The following SEC24B variants were observed in gnomAD, a reference collection of about 807,000 sequenced individuals.
The protein encoded by SEC24B is protein transport protein Sec24B.
In SEC24B, 45 loss-of-function variants were observed where a neutral mutation model predicts 142.8. That is an observed-to-expected ratio of 0.32 (90% CI 0.25 to 0.40). The LOEUF (loss-of-function observed/expected upper bound fraction) is 0.40. SEC24B is among the 10% of genes least tolerant of loss of function. The probability of loss-of-function intolerance (pLI) is 1.00; values close to 1 mark genes in which losing one functional copy is unlikely to be tolerated. For synonymous variants in SEC24B, 574 were observed against 568.2 expected, an observed-to-expected ratio of 1.01 and a Z score of -0.15; for missense variants, 1,409 against 1,526.8, an observed-to-expected ratio of 0.92 and a Z score of 1.29.
chr4:109,457,524 C>T (rs1478309694), intron 1 of SEC24B, among the ~76,000 whole-genome samples: 2 of 152,192 alleles, frequency 1.3e-5, no homozygotes, highest in Admixed American at 6.5e-5. Flanking sequence ...CCAAACTTGC[C>T]CTTTTATATC....
intron 1 of SEC24B, among the ~76,000 whole-genome samples, chr4:109,456,118 ACTT>A (rs1293657621): frequency 6.6e-6 from 1 of 152,086 alleles, no homozygotes; most frequent in Non-Finnish European, 1.5e-5. Context: ...ACATCTAAGT[ACTT>A]CTTTTTGTGC....
chr4:109,524,985 T>G (rs1188474611), intron 15 of SEC24B, 44 bp downstream of exon 15: 4 of 1,530,460 alleles, frequency 2.6e-6, no homozygotes, highest in Non-Finnish European at 3.5e-6. Flanking sequence ...ATGAACATTT[T>G]TAATGCATAA....
rs181995437 is a variant in SEC24B, at chr4:109,510,906, G to T, written c.1776+795G>T. Among the ~76,000 whole-genome samples, 271 of 152,108 alleles carry T rather than the reference G, an allele frequency of 1.8e-3. 1 individual carries two copies. The highest frequency in any genetic ancestry group is 6.0e-3 in the African/African-American group (247 of 41,498). On this transcript the variant is annotated intron_variant, in intron 8 of 23. Transcript: ENST00000265175. ...TGATTGACTACCTGTCACGTTGGAA[G>T]CTGGAGATACAAAGGGTAAATTAAA...
In SEC24B at chr4:109,497,689, G is replaced by A. The variant is rs372887914; in HGVS notation, c.1488+2833G>A. 2.2e-4 allele frequency among the ~76,000 whole-genome samples: 34 copies of A among 152,132 alleles called. 1 individual carries two copies. In the South Asian group the frequency reaches 6.7e-3, roughly 30 times the overall value. ...TATGTGGTACTCAATCATGTGAATA[G>A]ACCAGTTTGTTTATTTGTTCTATTG... On this transcript the variant is annotated intron_variant, in intron 6 of 23. Coordinates refer to ENST00000265175, the MANE Select transcript of SEC24B (RefSeq NM_006323.5).
At chr4:109,517,235 T>C (rs961654248) in intron 11 of SEC24B, among the ~76,000 whole-genome samples, 1 of 152,210 alleles carries the variant, frequency 6.6e-6, no homozygotes, top group African/African-American at 2.4e-5. Flanking sequence ...TAAGTATCCA[T>C]CAACAGATGG....
At chr4:109,481,854 T>G in intron 4 of SEC24B, 73 bp downstream of exon 4, 1 of 1,089,182 alleles carries the variant, frequency 9.2e-7, no homozygotes, top group Admixed American at 2.1e-5. Flanking sequence ...CAGTCTTACT[T>G]AGCCTTTTAA....
At chr4:109,508,586 A>T (rs1004589392) in intron 7 of SEC24B, among the ~76,000 whole-genome samples, 5 of 151,256 alleles carry the variant, frequency 3.3e-5, no homozygotes, top group Admixed American at 6.6e-5. Context: ...AAAAATTATT[A>T]AAAAAAAATA....
chr4:109,446,681 G>A (rs1012756128), intron 1 of SEC24B, among the ~76,000 whole-genome samples: 6 of 152,062 alleles, frequency 3.9e-5, no homozygotes, highest in Admixed American at 6.5e-5. Flanking sequence ...AGTGTAACAC[G>A]CCAAAGCAGA....
rs534017298 is a variant in SEC24B at position 109,488,242 on chromosome 4, C to T, written c.1166-3085C>T. 2.6e-5 allele frequency among the ~76,000 whole-genome samples: 4 copies of T among 152,182 alleles called. No homozygotes were observed. In the East Asian group the frequency reaches 5.8e-4, roughly 22 times the overall value. ...TTTCTTCACCCCAAAATAGAAACTT[C>T]ATATGTTTTAGCCTTCTTCCCATTC... On this transcript the variant is annotated intron_variant, in intron 4 of 23. Transcript: ENST00000265175.
Position 109,487,533 on chromosome 4 carries a change from G to A in SEC24B, c.1166-3794G>A, listed in dbSNP as rs115642604. Among the ~76,000 whole-genome samples the A allele has an allele frequency of 8.7e-3, 1,319 of 152,312 alleles. 24 individuals are homozygous for A. Among genetic ancestry groups the A allele is most frequent in the African/African-American group, 0.03 (1,259 of 41,558 alleles). On this transcript the variant is annotated intron_variant, in intron 4 of 23. Transcript: ENST00000265175. ...CATTTACACCTTATTCACTAAGATG[G>A]TGGGGAAATTAGTAAAGGCTGTTTC...
chr4:109,515,149 G>T (rs1737790659), intron 10 of SEC24B, among the ~76,000 whole-genome samples: 2 of 152,024 alleles, frequency 1.3e-5, no homozygotes, highest in Admixed American at 1.3e-4. Context: ...CATCCAGGCT[G>T]GAGTGCAGTG....
At chr4:109,436,492 A>G (rs1210655995) in intron 1 of SEC24B, among the ~76,000 whole-genome samples, 3 of 152,208 alleles carry the variant, frequency 2.0e-5, no homozygotes, top group East Asian at 3.8e-4. Flanking sequence ...CACTCACTTC[A>G]GTGTTGTGGT....
At chr4:109,447,547 C>G (rs550933588) in intron 1 of SEC24B, among the ~76,000 whole-genome samples, 90 of 152,140 alleles carry the variant, frequency 5.9e-4, no homozygotes, top group Non-Finnish European at 9.8e-4. Context: ...ACCAGCTCAG[C>G]ATTCTATTTG....
At chr4:109,449,499 T>C (rs975189522) in intron 1 of SEC24B, 10 of 455,110 alleles carry the variant, frequency 2.2e-5, no homozygotes, top group African/African-American at 4.0e-5. Flanking sequence ...CCCAAATTGC[T>C]GGGAGTACAG....
At chr4:109,468,526 A>G (rs968171837) in intron 2 of SEC24B, among the ~76,000 whole-genome samples, 4 of 152,360 alleles carry the variant, frequency 2.6e-5, no homozygotes, top group Non-Finnish European at 4.4e-5. Context: ...ATATGTAATC[A>G]GCAGCCATTA....
At chr4:109,448,334 T>A (rs1254082366) in intron 1 of SEC24B, among the ~76,000 whole-genome samples, 1 of 152,112 alleles carries the variant, frequency 6.6e-6, no homozygotes, top group African/African-American at 2.4e-5. Context: ...GGAAAATCAC[T>A]CTGGCTACGT....
At chr4:109,519,128 A>C (rs779651690) in intron 11 of SEC24B, among the ~76,000 whole-genome samples, 13 of 152,022 alleles carry the variant, frequency 8.6e-5, no homozygotes, top group Non-Finnish European at 1.6e-4. Flanking sequence ...CCAAGTTTTA[A>C]TCCCCCAAGA....
At chr4:109,487,157 C>T (rs1303317920) in intron 4 of SEC24B, among the ~76,000 whole-genome samples, 2 of 138,160 alleles carry the variant, frequency 1.4e-5, no homozygotes, top group East Asian at 2.1e-4. Context: ...AAGAGTGAGA[C>T]TCTGTCTCAA....
chr4:109,516,491 C>A, intron 10 of SEC24B, 37 bp from the exon 11 acceptor site: 3 of 1,246,802 alleles, frequency 2.4e-6, no homozygotes, highest in Non-Finnish European at 3.4e-6. Context: ...ATAAATTGTA[C>A]CTACCAAATA....
Sources: gnomAD v4.1 joint callset for allele counts (sites outside exome capture counted in the v4.1 genomes callset) on GRCh38, gnomAD v4.1.1 for gene constraint, MANE v1.5 for transcripts, NCBI Gene and HGNC (gene_info 2026-07-23, HGNC 2026-07-21) for gene names.